The following TAFA5 variants were observed in gnomAD, a reference collection of about 807,000 sequenced individuals.
TAFA5 encodes chemokine-like protein TAFA-5.
Under a neutral mutation model 15.3 loss-of-function variants are expected in TAFA5, and 6 were observed. The ratio of observed to expected loss-of-function variants is 0.39; its 90% CI spans 0.21 to 0.77. The LOEUF (loss-of-function observed/expected upper bound fraction) is 0.77. Among genes scored for constraint, TAFA5 ranks in the 30% least tolerant of loss-of-function variants. The pLI is 0.41. For missense variants in TAFA5, 161 were observed against 193.1 expected (o/e 0.83, Z 0.98); for synonymous variants, 103 against 80.7 (o/e 1.28, Z -1.48).
At chr22:48,726,720 C>G (rs1159477543) in intron 3 of TAFA5, among the ~76,000 whole-genome samples, 1 of 152,204 alleles carries the variant, frequency 6.6e-6, no homozygotes, top group Non-Finnish European at 1.5e-5. Context: ...AATCACTGGT[C>G]CAGTGGTGGT....
At chr22:48,709,511 C>G (rs2147252643) in intron 3 of TAFA5, among the ~76,000 whole-genome samples, 1 of 152,292 alleles carries the variant, frequency 6.6e-6, no homozygotes, top group Non-Finnish European at 1.5e-5. Context: ...CCTTTCGTTT[C>G]CCTCATAGAA....
At chr22:48,539,158 C>T (rs988207218) in intron 1 of TAFA5, 2 of 314,200 alleles carry the variant, frequency 6.4e-6, no homozygotes, top group Non-Finnish European at 1.3e-5. Flanking sequence ...GAGTAATTGC[C>T]ATTTTCAGAT....
chr22:48,641,187 C>T (rs1343884746), intron 1 of TAFA5, among the ~76,000 whole-genome samples: 1 of 151,916 alleles, frequency 6.6e-6, no homozygotes, highest in African/African-American at 2.4e-5. Flanking sequence ...GCAGTGGGAA[C>T]AGTGGTCCGT....
At chr22:48,693,276 C>T (rs1381233447) in intron 2 of TAFA5, 1 of 1,582,302 alleles carries the variant, frequency 6.3e-7, no homozygotes, top group Non-Finnish European at 8.6e-7. Flanking sequence ...CTTTTCATCC[C>T]ATAATTCTGC....
chr22:48,604,586 G>A (rs1427909546), intron 1 of TAFA5, among the ~76,000 whole-genome samples: 1 of 152,230 alleles, frequency 6.6e-6, no homozygotes, highest in Non-Finnish European at 1.5e-5. Context: ...CCACTCACTG[G>A]CCTTGGGCCA....
chr22:48,709,614 C>T (rs1360633049), intron 3 of TAFA5, among the ~76,000 whole-genome samples: 1 of 152,244 alleles, frequency 6.6e-6, no homozygotes, highest in Admixed American at 6.5e-5. Context: ...CATCACTTCT[C>T]AGTCGCCCTT....
At chr22:48,681,608 G>GCACA (rs1928189364) in intron 2 of TAFA5, among the ~76,000 whole-genome samples, 1 of 147,486 alleles carries the variant, frequency 6.8e-6, no homozygotes, top group South Asian at 2.1e-4. Context: ...CCGAGATTGT[G>GCACA]CCACTGCACT....
rs1048694724 is a variant in TAFA5 at position 48,742,632 on chromosome 22, G to A, written c.391-7207G>A. ...CGGGCCGCATGGTGGACCAGGCAAC[G>A]TGGTAGACCGGGCCGCATGGTGGAC... On this transcript the variant is annotated intron_variant, in intron 3 of 3. Coordinates refer to ENST00000402357, the MANE Select transcript of TAFA5 (RefSeq NM_001082967.3). The surrounding 1 kb of genome is among the most constrained non-coding windows in gnomAD (Gnocchi z 6.2). 3.3e-5 allele frequency among the ~76,000 whole-genome samples: 5 copies of A among 151,910 alleles called. No homozygotes were observed. The highest frequency in any genetic ancestry group is 4.2e-4 in the South Asian group (2 of 4,798).
At position 48,731,867 on chromosome 22, in the gene TAFA5, T is replaced by C. The variant is rs535847607; in HGVS notation, c.391-17972T>C. 2.0e-5 allele frequency among the ~76,000 whole-genome samples: 3 copies of C among 152,298 alleles called. No individual in the cohort carries two copies. In the South Asian group the frequency reaches 6.2e-4, roughly 32 times the overall value. ...AGGAGTAATTTTGAAATTAAAGTCT[T>C]CTTCTTTAAGAAATACATTTGATAA... is the stretch of plus-strand genomic sequence containing the variant. On this transcript the variant is annotated intron_variant, in intron 3 of 3. Coordinates refer to ENST00000402357, the MANE Select transcript of TAFA5 (RefSeq NM_001082967.3).
Position 48,576,557 on chromosome 22 carries a change from A to G in TAFA5, c.113-70040A>G, listed in dbSNP as rs202010234. 331 of 1,508,666 alleles carry G rather than the reference A, an allele frequency of 2.2e-4. No homozygotes were observed. The African/African-American group carries it at 4.3e-3, about 20-fold the overall frequency. The allele number at this position is 1,508,666 out of a possible 1,614,324, so 93.5% of individuals were successfully genotyped here. On this transcript the variant is annotated intron_variant, in intron 1 of 3. Coordinates refer to ENST00000402357, the MANE Select transcript of TAFA5 (RefSeq NM_001082967.3). Reference sequence around the variant, plus strand: ...TTCCTCGTCCTAGTGATCCACGCGCAGTTCCTCAAAGAAGGTAATTGTCCC... The same window carrying G: ...TTCCTCGTCCTAGTGATCCACGCGCGGTTCCTCAAAGAAGGTAATTGTCCC...
chr22:48,591,860 T>C (rs1471312503), intron 1 of TAFA5, among the ~76,000 whole-genome samples: 1 of 152,120 alleles, frequency 6.6e-6, no homozygotes, highest in Non-Finnish European at 1.5e-5. Context: ...CCACGGAGTC[T>C]CCCTCTCAGG....
chr22:48,549,621 A>C (rs769725939), intron 1 of TAFA5, among the ~76,000 whole-genome samples: 12 of 152,142 alleles, frequency 7.9e-5, no homozygotes, highest in Non-Finnish European at 7.4e-5. Context: ...CTCCTGTAAA[A>C]CTGCAGTGGT....
chr22:48,554,442 A>G (rs1200798935), intron 1 of TAFA5, among the ~76,000 whole-genome samples: 1 of 152,204 alleles, frequency 6.6e-6, no homozygotes, highest in African/African-American at 2.4e-5. Context: ...AAAGTAAAAA[A>G]ATGTTCCCAA....
intron 1 of TAFA5, among the ~76,000 whole-genome samples, chr22:48,519,502 C>T (rs951748426): frequency 4.6e-5 from 7 of 152,192 alleles, no homozygotes; most frequent in Admixed American, 3.9e-4. Context: ...AGGCAGCACA[C>T]GTGTCCTTTT....
At chr22:48,647,223 C>G (rs1371265062) in intron 2 of TAFA5, among the ~76,000 whole-genome samples, 2 of 152,168 alleles carry the variant, frequency 1.3e-5, no homozygotes, top group African/African-American at 4.8e-5. Context: ...AGCTCCGGCC[C>G]CCATGGGCTC....
At chr22:48,738,347 TGGG>T (rs1930089442) in intron 3 of TAFA5, among the ~76,000 whole-genome samples, 1 of 152,168 alleles carries the variant, frequency 6.6e-6, no homozygotes, top group South Asian at 2.1e-4. Flanking sequence ...CAAACCCACA[TGGG>T]GGCCCCCAGG....
intron 2 of TAFA5, among the ~76,000 whole-genome samples, chr22:48,661,024 C>T (rs1927420829): frequency 6.6e-6 from 1 of 152,196 alleles, no homozygotes; most frequent in African/African-American, 2.4e-5. Flanking sequence ...ATTCCAGCTC[C>T]ACTATTATGG....
At chr22:48,683,172 T>A (rs970768511) in intron 2 of TAFA5, among the ~76,000 whole-genome samples, 3 of 152,110 alleles carry the variant, frequency 2.0e-5, no homozygotes, top group African/African-American at 7.2e-5. Context: ...GCTCTCTTGG[T>A]AAACGCACAC....
chr22:48,613,370 G>A (rs1323229236), intron 1 of TAFA5, among the ~76,000 whole-genome samples: 1 of 152,114 alleles, frequency 6.6e-6, no homozygotes. Flanking sequence ...TGTGTGCAGA[G>A]CCTGCACTGA....
Sources: allele counts gnomAD v4.1 joint callset (sites outside exome capture counted in the v4.1 genomes callset), GRCh38; gene constraint gnomAD v4.1.1; non-coding constraint Gnocchi (gnomAD v3.1); transcripts MANE v1.5; gene names NCBI Gene and HGNC (gene_info 2026-07-23, HGNC 2026-07-21).